Variants in DPP10 observed in about 807,000 individuals in gnomAD.
DPP10 encodes dipeptidyl peptidase like 10.
DPP10 carries 33 observed loss-of-function variants against 120.9 expected under a neutral mutation model. That is an observed-to-expected ratio of 0.27 (90% CI 0.21 to 0.37). The LOEUF is 0.37. Among genes scored for constraint, DPP10 ranks in the 10% least tolerant of loss-of-function variants. The pLI is 1.00. For missense variants in DPP10, 816 were observed against 942.8 expected, an observed-to-expected ratio of 0.87 and a Z score of 1.76; for synonymous variants, 337 against 326.1, an observed-to-expected ratio of 1.03 and a Z score of -0.36.
At chr2:114,746,950 A>G (rs1377564901) in intron 1 of DPP10, among the ~76,000 whole-genome samples, 1 of 152,222 alleles carries the variant, frequency 6.6e-6, no homozygotes, top group Non-Finnish European at 1.5e-5. Context: ...GAAACATAAA[A>G]GAGACTTCCC....
In DPP10 at chr2:115,265,283, A is replaced by G. The variant is rs572879154; in HGVS notation, c.61-43956A>G. 3.4e-4 allele frequency among the ~76,000 whole-genome samples: 51 copies of G among 150,482 alleles called. 1 individual carries two copies. Among genetic ancestry groups the G allele is most frequent in the Non-Finnish European group, 5.8e-4 (39 of 67,714 alleles). On this transcript the variant is annotated intron_variant, in intron 1 of 25. Transcript: ENST00000410059. Reference sequence around the variant, plus strand: ...CTTTGGATTCCATATATATATATATATATATATATGCACACATACATATAT... The same window carrying G: ...CTTTGGATTCCATATATATATATATGTATATATATGCACACATACATATAT...
chr2:114,805,984 G>A (rs1684688691), intron 1 of DPP10, among the ~76,000 whole-genome samples: 2 of 152,148 alleles, frequency 1.3e-5, no homozygotes, highest in Non-Finnish European at 2.9e-5. Flanking sequence ...CTCAAAACCT[G>A]GCTGAGTGAG....
intron 13 of DPP10, among the ~76,000 whole-genome samples, chr2:115,771,349 C>T (rs1269370872): frequency 6.6e-6 from 1 of 152,104 alleles, no homozygotes; most frequent in Non-Finnish European, 1.5e-5. Flanking sequence ...GCTGGGATTA[C>T]AGGCATAAGC....
chr2:114,754,229 G>A (rs1679521276), intron 1 of DPP10, among the ~76,000 whole-genome samples: 1 of 152,150 alleles, frequency 6.6e-6, no homozygotes, highest in African/African-American at 2.4e-5. Flanking sequence ...ATGGGCCGAG[G>A]CTTAGTACAA....
intron 2 of DPP10, among the ~76,000 whole-genome samples, chr2:115,334,154 A>G (rs2062947130): frequency 6.7e-6 from 1 of 150,300 alleles, no homozygotes; most frequent in Admixed American, 6.7e-5. Context: ...TGCCACACAG[A>G]TACTCCTCAG....
At chr2:115,276,028 G>A (rs1046932543) in intron 1 of DPP10, among the ~76,000 whole-genome samples, 2 of 152,142 alleles carry the variant, frequency 1.3e-5, no homozygotes, top group African/African-American at 4.8e-5. Context: ...ACTCTTGGTG[G>A]CAGAAACATC....
intron 1 of DPP10, among the ~76,000 whole-genome samples, chr2:114,804,438 T>C (rs558394071): frequency 2.6e-5 from 4 of 152,234 alleles, no homozygotes; most frequent in African/African-American, 9.6e-5. Flanking sequence ...CAGCTTGCAC[T>C]GTGCACCTGA....
intron 1 of DPP10, among the ~76,000 whole-genome samples, chr2:115,025,175 G>A (rs1253009983): frequency 8.8e-6 from 1 of 114,166 alleles, no homozygotes; most frequent in African/African-American, 3.2e-5. Context: ...CTCAGCCTCT[G>A]GTAACCACCA....
intron 1 of DPP10, among the ~76,000 whole-genome samples, chr2:114,624,658 A>G (rs1044367322): frequency 6.6e-6 from 1 of 152,004 alleles, no homozygotes; most frequent in African/African-American, 2.4e-5. Flanking sequence ...TGATAAGTAT[A>G]TAAGATTTTT....
intron 3 of DPP10, among the ~76,000 whole-genome samples, chr2:115,478,686 A>T (rs1220683138): frequency 6.6e-6 from 1 of 152,178 alleles, no homozygotes; most frequent in Non-Finnish European, 1.5e-5. Context: ...AACATATAGA[A>T]AATGCCTACA....
At chr2:115,504,574 C>T (rs552631390) in intron 4 of DPP10, among the ~76,000 whole-genome samples, 30 of 151,886 alleles carry the variant, frequency 2.0e-4, no homozygotes, top group Non-Finnish European at 1.3e-4. Flanking sequence ...TGTTTGTTTA[C>T]ATTATTTAGG....
intron 1 of DPP10, among the ~76,000 whole-genome samples, chr2:114,732,590 G>A (rs1209469778): frequency 6.6e-6 from 1 of 152,198 alleles, no homozygotes; most frequent in Non-Finnish European, 1.5e-5. Context: ...TGTGAGACAA[G>A]TAATAGTTTT....
At chr2:114,696,827 C>A (rs1700096272) in intron 1 of DPP10, among the ~76,000 whole-genome samples, 1 of 151,734 alleles carries the variant, frequency 6.6e-6, no homozygotes, top group Admixed American at 6.6e-5. Context: ...ACCATGGTAT[C>A]ATGGTCGAAG....
At chr2:115,263,322 C>T (rs2059330829) in intron 1 of DPP10, among the ~76,000 whole-genome samples, 1 of 152,190 alleles carries the variant, frequency 6.6e-6, no homozygotes, top group South Asian at 2.1e-4. Context: ...TCTGGTTCTC[C>T]AGAAGCCCCA....
intron 7 of DPP10, among the ~76,000 whole-genome samples, chr2:115,699,208 C>T (rs936817062): frequency 1.3e-5 from 2 of 151,958 alleles, no homozygotes; most frequent in African/African-American, 2.4e-5. Flanking sequence ...TGCAAAACTT[C>T]GTAGTAGAGT....
intron 1 of DPP10, among the ~76,000 whole-genome samples, chr2:114,513,987 C>T (rs1684386268): frequency 6.6e-6 from 1 of 152,192 alleles, no homozygotes; most frequent in Admixed American, 6.5e-5. Context: ...AACCTGGCTA[C>T]TAGGGTTTGA....
chr2:115,410,673 G>A (rs954706565), intron 3 of DPP10, among the ~76,000 whole-genome samples: 1 of 152,204 alleles, frequency 6.6e-6, no homozygotes, highest in Non-Finnish European at 1.5e-5. Context: ...CTGGAGAAGT[G>A]TGGGAGGAAG....
chr2:114,627,323 A>G (rs977501686), intron 1 of DPP10, among the ~76,000 whole-genome samples: 1 of 152,188 alleles, frequency 6.6e-6, no homozygotes, highest in Admixed American at 6.6e-5. Flanking sequence ...TTCTCAAAAT[A>G]CATTTTTCAA....
rs531797390 is a variant in DPP10, at chr2:115,469,855, A to G, written c.272-29655A>G. ...GGAGGTTGCAGTGAGCTGAGATCAC[A>G]CCATTGCACTCCAGCCTGGGCAACA... On this transcript the variant is annotated intron_variant, in intron 3 of 25. Coordinates refer to ENST00000410059, the MANE Select transcript of DPP10 (RefSeq NM_020868.6). Among the ~76,000 whole-genome samples the G allele has an allele frequency of 2.9e-3, 423 of 144,574 alleles. 2 individuals carry two copies. Among genetic ancestry groups the G allele is most frequent in the African/African-American group, 0.01 (413 of 40,052 alleles). 94.8% of individuals were successfully genotyped at this position (144,574 alleles called of 152,430 possible). A position where few individuals can be genotyped will look rare whatever the true frequency, so the allele number is the denominator to read the frequency against.
Sources: gnomAD v4.1 joint callset for allele counts (sites outside exome capture counted in the v4.1 genomes callset) on GRCh38, gnomAD v4.1.1 for gene constraint, MANE v1.5 for transcripts, NCBI Gene and HGNC (gene_info 2026-07-23, HGNC 2026-07-21) for gene names.